The following NBEA variants were observed in gnomAD, a reference collection of about 807,000 sequenced individuals.
The protein encoded by NBEA is lysosomal-trafficking regulator 2.
NBEA carries 44 observed loss-of-function variants against 343.4 expected under a neutral mutation model. The observed-to-expected ratio is 0.13, with a 90% confidence interval of 0.10 to 0.16. NBEA has a LOEUF of 0.16. Among genes scored for constraint, NBEA ranks in the 10% least tolerant of loss-of-function variants. The pLI is 1.00. For missense variants in NBEA, 2,555 were observed against 3,631.3 expected (o/e 0.70, Z 7.62); for synonymous variants, 1,175 against 1,238.7 (o/e 0.95, Z 1.08).
chr13:35,281,047 T>A (rs2035018882), intron 34 of NBEA, among the ~76,000 whole-genome samples: 1 of 152,100 alleles, frequency 6.6e-6, no homozygotes, highest in African/African-American at 2.4e-5. Context: ...TCTTAAGATC[T>A]CACCATGAAT....
chr13:35,282,978 A>G (rs998293384), intron 34 of NBEA, among the ~76,000 whole-genome samples: 5 of 152,164 alleles, frequency 3.3e-5, no homozygotes, highest in Non-Finnish European at 7.4e-5. Flanking sequence ...ATTAAAAAAC[A>G]GTAAAGTTGG....
intron 8 of NBEA, among the ~76,000 whole-genome samples, chr13:35,064,625 C>A (rs2063584017): frequency 6.6e-6 from 1 of 151,882 alleles, no homozygotes; most frequent in African/African-American, 2.4e-5. Context: ...AAATTCTAAC[C>A]CTCAGTAGCC....
chr13:35,157,018 A>G, intron 20 of NBEA, 60 bp from the exon 21 acceptor site: 1 of 1,351,228 alleles, frequency 7.4e-7, no homozygotes, highest in Non-Finnish European at 9.9e-7. Context: ...AAAGTTTCAA[A>G]ATAGTAAATT....
intron 1 of NBEA, among the ~76,000 whole-genome samples, chr13:34,979,349 A>G (rs999826289): frequency 6.6e-6 from 1 of 152,108 alleles, no homozygotes; most frequent in Non-Finnish European, 1.5e-5. Context: ...GTGAAACCCC[A>G]CTTCTACTAA....
At chr13:35,231,323 G>A (rs2074960796) in intron 33 of NBEA, among the ~76,000 whole-genome samples, 1 of 151,904 alleles carries the variant, frequency 6.6e-6, no homozygotes, top group Non-Finnish European at 1.5e-5. Flanking sequence ...TTAAAAAGAG[G>A]CCATAGTTTA....
At chr13:35,558,126 CT>C (rs1412140355) in intron 44 of NBEA, among the ~76,000 whole-genome samples, 4 of 152,268 alleles carry the variant, frequency 2.6e-5, no homozygotes, top group African/African-American at 9.6e-5. Flanking sequence ...TAAATTGTTA[CT>C]GAATATTTAC....
At chr13:35,247,645 G>T (rs1182648508) in intron 34 of NBEA, among the ~76,000 whole-genome samples, 1 of 152,224 alleles carries the variant, frequency 6.6e-6, no homozygotes, top group East Asian at 1.9e-4. Context: ...CTGTCTCCCA[G>T]GTCCTGCAGG....
rs562152323 is a variant in NBEA, at chr13:35,018,481, T to C, written c.295-22452T>C. Among the ~76,000 whole-genome samples the C allele has an allele frequency of 2.0e-5, 3 of 152,304 alleles. No homozygotes were observed. In the South Asian group the frequency reaches 6.2e-4, roughly 32 times the overall value. On this transcript the variant is annotated intron_variant, in intron 1 of 58. Coordinates refer to ENST00000379939, the MANE Select transcript of NBEA (RefSeq NM_001385012.1). ...ATATTTAGATGTACTTACTACTTTG[T>C]ATCTCATCTTTTTGTATTATAAATG... is the stretch of plus-strand genomic sequence containing the variant.
intron 38 of NBEA, among the ~76,000 whole-genome samples, chr13:35,395,618 C>T (rs2042708766): frequency 6.6e-6 from 1 of 152,012 alleles, no homozygotes; most frequent in South Asian, 2.1e-4. Context: ...GTACATTTTT[C>T]ACTCATTGAA....
chr13:34,971,122 ATTC>A (rs1380716695), intron 1 of NBEA, among the ~76,000 whole-genome samples: 1 of 150,800 alleles, frequency 6.6e-6, no homozygotes, highest in Non-Finnish European at 1.5e-5. Flanking sequence ...CAGGTAATTT[ATTC>A]TTTTTGTGGC....
At position 35,319,197 on chromosome 13, in the gene NBEA, T is replaced by G. The variant is rs374198217; in HGVS notation, c.5903+9605T>G. Among the ~76,000 whole-genome samples, 188 of 152,304 alleles carry G rather than the reference T, an allele frequency of 1.2e-3. 1 individual carries two copies. Among genetic ancestry groups the G allele is most frequent in the Admixed American group, 2.7e-3 (41 of 15,294 alleles). On this transcript the variant is annotated intron_variant, in intron 36 of 58. Coordinates refer to ENST00000379939, the MANE Select transcript of NBEA (RefSeq NM_001385012.1). ...TCTTTCAATTGTGATGTTAGGGCAT[T>G]GATTTTAGATCTTTCCCGCTTTCCA...
Position 35,472,386 on chromosome 13 carries a change from TCCTTG to T in NBEA, c.6449-7_6449-3del, listed in dbSNP as rs1260741361. 6.2e-7 allele frequency: 1 copy of T among 1,611,844 alleles called. No individual in the cohort carries two copies. The highest frequency in any genetic ancestry group is 8.5e-7 in the Non-Finnish European group (1 of 1,179,108). On this transcript the variant is annotated splice_polypyrimidine_tract_variant and intron_variant, in intron 40 of 58. Coordinates refer to ENST00000379939, the MANE Select transcript of NBEA (RefSeq NM_001385012.1). Reference sequence around the variant, plus strand: ...CAGGGGCTCAGCCTGACTCCCCTTGTCCTTGCCTTGCAGGCCCAGTGGTTCTCAGC... The same window carrying T: ...CAGGGGCTCAGCCTGACTCCCCTTGTCCTTGCAGGCCCAGTGGTTCTCAGC...
intron 49 of NBEA, among the ~76,000 whole-genome samples, chr13:35,638,369 G>A (rs150204976): frequency 8.7e-4 from 133 of 152,264 alleles, no homozygotes; most frequent in East Asian, 5.4e-3. Context: ...AAGGGAAAGC[G>A]ACAAGGAAAG....
intron 18 of NBEA, among the ~76,000 whole-genome samples, chr13:35,150,793 TTAGAGTAGAG>T (rs71078083): frequency 0.012 from 1,844 of 148,350 alleles, 44 homozygotes; most frequent in African/African-American, 0.043. Context: ...TAATGATATT[TTAGAGTAGAG>T]TAGAGTAGAG....
At chr13:35,580,804 C>G (rs1215033574) in intron 45 of NBEA, among the ~76,000 whole-genome samples, 1 of 152,178 alleles carries the variant, frequency 6.6e-6, no homozygotes, top group Non-Finnish European at 1.5e-5. Context: ...CTAATGGAGG[C>G]ATATACAGAC....
At position 35,308,079 on chromosome 13, in the gene NBEA, C is replaced by T. The variant is rs1160950832; in HGVS notation, c.5839-1449C>T. ...ATTCAGGATTTGTTATTCTATAATT[C>T]AGCACACATTTACTTAGAGCAGAGA... On this transcript the variant is annotated intron_variant, in intron 35 of 58. Transcript: ENST00000379939. Among the ~76,000 whole-genome samples, 5 of 151,826 alleles carry T rather than the reference C, an allele frequency of 3.3e-5. No individual in the cohort carries two copies. The East Asian group carries it at 9.7e-4, about 29-fold the overall frequency.
At chr13:34,967,254 G>C (rs971225534) in intron 1 of NBEA, among the ~76,000 whole-genome samples, 1 of 151,708 alleles carries the variant, frequency 6.6e-6, no homozygotes, top group Non-Finnish European at 1.5e-5. Context: ...TTATTTTCCT[G>C]ACGGAAAATG....
At chr13:35,610,886 G>A (rs1363317638) in intron 48 of NBEA, among the ~76,000 whole-genome samples, 1 of 151,728 alleles carries the variant, frequency 6.6e-6, no homozygotes, top group Admixed American at 6.6e-5. Flanking sequence ...TTTTAAAGGA[G>A]GGGCAAAAGA....
chr13:35,472,191 T>C (rs1417359492), intron 40 of NBEA, among the ~76,000 whole-genome samples: 1 of 152,244 alleles, frequency 6.6e-6, no homozygotes, highest in Admixed American at 6.5e-5. Context: ...TCCTGGGTTT[T>C]CATACCATTT....
Sources: gnomAD v4.1 joint callset for allele counts (sites outside exome capture counted in the v4.1 genomes callset) on GRCh38, gnomAD v4.1.1 for gene constraint, MANE v1.5 for transcripts, NCBI Gene and HGNC (gene_info 2026-07-23, HGNC 2026-07-21) for gene names.